Variants in SGCZ observed in about 807,000 individuals in gnomAD.
SGCZ encodes the protein zeta-sarcoglycan.
In SGCZ, 40 loss-of-function variants were observed where a neutral mutation model predicts 41.3. The observed-to-expected ratio is 0.97, with a 90% confidence interval of 0.75 to 1.26. SGCZ has a LOEUF of 1.26. SGCZ is among the 50% of genes most tolerant of loss of function. SGCZ has a pLI of 0.00. For missense variants in SGCZ, 552 were observed against 369.8 expected, an observed-to-expected ratio of 1.49 and a Z score of -4.04; for synonymous variants, 206 against 137.5, an observed-to-expected ratio of 1.50 and a Z score of -3.49.
chr8:15,129,726 T>C (rs201438424), intron 1 of SGCZ, among the ~76,000 whole-genome samples: 5 of 44,478 alleles, frequency 1.1e-4, no homozygotes, highest in South Asian at 6.7e-4. Context: ...AAAAAAAAAA[T>C]CACAGTTCTT....
At chr8:14,681,490 C>G (rs1169339788) in intron 1 of SGCZ, among the ~76,000 whole-genome samples, 2 of 152,116 alleles carry the variant, frequency 1.3e-5, no homozygotes, top group African/African-American at 4.8e-5. Context: ...TTCATGGCTA[C>G]AGAAAGATAG....
intron 1 of SGCZ, among the ~76,000 whole-genome samples, chr8:14,575,237 G>A (rs527541209): frequency 6.6e-5 from 10 of 152,064 alleles, no homozygotes; most frequent in African/African-American, 1.2e-4. Flanking sequence ...GCTTATATAG[G>A]GGTAAAGAAG....
In SGCZ at chr8:15,179,070, TA is replaced by T. The variant is rs1347364523; in HGVS notation, c.39+58514del. 5.9e-5 allele frequency among the ~76,000 whole-genome samples: 9 copies of T among 152,244 alleles called. No homozygotes were observed. In the East Asian group the frequency reaches 1.7e-3, roughly 29 times the overall value. On this transcript the variant is annotated intron_variant, in intron 1 of 7. Coordinates refer to ENST00000382080, the MANE Select transcript of SGCZ (RefSeq NM_139167.4). ...TATTATATCCATGGACATAAAAGTA[TA>T]AAGAGTTGTTTTGCTGGGAACAAAC...
intron 6 of SGCZ, among the ~76,000 whole-genome samples, chr8:14,105,757 T>C (rs1585138779): frequency 1.3e-5 from 2 of 152,168 alleles, no homozygotes; most frequent in Admixed American, 6.5e-5. Context: ...ACACTAGATG[T>C]AATATCATTC....
chr8:15,161,396 C>A (rs915393110), intron 1 of SGCZ, among the ~76,000 whole-genome samples: 1 of 152,102 alleles, frequency 6.6e-6, no homozygotes, highest in Admixed American at 6.5e-5. Context: ...GCACTTACCC[C>A]ACTCATTATA....
At chr8:14,358,524 C>A (rs1803376775) in intron 2 of SGCZ, among the ~76,000 whole-genome samples, 1 of 152,008 alleles carries the variant, frequency 6.6e-6, no homozygotes, top group Non-Finnish European at 1.5e-5. Context: ...AGTTATTAAA[C>A]AGGTTATTAA....
chr8:14,738,266 G>C (rs1442968089), intron 1 of SGCZ, among the ~76,000 whole-genome samples: 1 of 151,990 alleles, frequency 6.6e-6, no homozygotes, highest in African/African-American at 2.4e-5. Flanking sequence ...TTTACAGCAT[G>C]CTAGAATTCT....
intron 2 of SGCZ, among the ~76,000 whole-genome samples, chr8:14,545,131 T>C (rs943029156): frequency 3.3e-5 from 5 of 151,938 alleles, no homozygotes; most frequent in Non-Finnish European, 7.4e-5. Flanking sequence ...TTATGGAAAA[T>C]AGAAAGAACC....
At chr8:14,782,247 A>C (rs1425726125) in intron 1 of SGCZ, among the ~76,000 whole-genome samples, 1 of 152,236 alleles carries the variant, frequency 6.6e-6, no homozygotes. Flanking sequence ...ATATGCTGAG[A>C]TTATTTGAGT....
chr8:14,112,460 T>C (rs1802405652), intron 5 of SGCZ, among the ~76,000 whole-genome samples: 1 of 152,124 alleles, frequency 6.6e-6, no homozygotes. Context: ...AGGGATATTT[T>C]TCTAGATCTC....
chr8:14,102,656 C>A (rs1368309010), intron 6 of SGCZ, among the ~76,000 whole-genome samples, 157 bp from the exon 7 acceptor site: 1 of 152,096 alleles, frequency 6.6e-6, no homozygotes, highest in Non-Finnish European at 1.5e-5. Context: ...TTAGGCAAAG[C>A]CAGAATGAGT....
chr8:14,908,839 G>T (rs766677169), intron 1 of SGCZ, among the ~76,000 whole-genome samples: 1 of 150,668 alleles, frequency 6.6e-6, no homozygotes, highest in African/African-American at 2.4e-5. Context: ...CTGATATTCT[G>T]AATTCCTAGA....
chr8:15,122,964 A>G (rs1807543263), intron 1 of SGCZ, among the ~76,000 whole-genome samples: 1 of 152,202 alleles, frequency 6.6e-6, no homozygotes, highest in East Asian at 1.9e-4. Context: ...GAGTCATATT[A>G]AGTCAAGGTC....
At chr8:14,653,930 AT>A (rs1807480358) in intron 1 of SGCZ, among the ~76,000 whole-genome samples, 1 of 152,158 alleles carries the variant, frequency 6.6e-6, no homozygotes, top group South Asian at 2.1e-4. Flanking sequence ...CATTTCACCA[AT>A]TAAAAGACAG....
intron 2 of SGCZ, among the ~76,000 whole-genome samples, chr8:14,465,858 A>G (rs1801033800): frequency 6.6e-6 from 1 of 151,882 alleles, no homozygotes; most frequent in Non-Finnish European, 1.5e-5. Context: ...AACATAAATG[A>G]TTTTTAATAC....
chr8:15,013,052 G>A (rs1043690688), intron 1 of SGCZ, among the ~76,000 whole-genome samples: 1 of 152,064 alleles, frequency 6.6e-6, no homozygotes, highest in African/African-American at 2.4e-5. Flanking sequence ...GGATTTTTAA[G>A]AAATGGATTT....
At chr8:14,815,023 A>G (rs992328165) in intron 1 of SGCZ, among the ~76,000 whole-genome samples, 1 of 152,010 alleles carries the variant, frequency 6.6e-6, no homozygotes, top group Non-Finnish European at 1.5e-5. Flanking sequence ...GATGTGCCTG[A>G]TTTGAAAACT....
intron 1 of SGCZ, among the ~76,000 whole-genome samples, chr8:15,054,150 A>T (rs1804621265): frequency 6.6e-6 from 1 of 152,222 alleles, no homozygotes; most frequent in Non-Finnish European, 1.5e-5. Flanking sequence ...GTATAAGTGA[A>T]TATTTAGTTC....
At chr8:14,707,663 C>A (rs1484692663) in intron 1 of SGCZ, among the ~76,000 whole-genome samples, 1 of 152,074 alleles carries the variant, frequency 6.6e-6, no homozygotes, top group African/African-American at 2.4e-5. Flanking sequence ...ACCATAAAAA[C>A]ACTTCTAAAA....
Sources: allele counts gnomAD v4.1 joint callset (sites outside exome capture counted in the v4.1 genomes callset), GRCh38; gene constraint gnomAD v4.1.1; transcripts MANE v1.5; gene names NCBI Gene and HGNC (gene_info 2026-07-23, HGNC 2026-07-21).